CNIH3: variants seen among roughly 807,000 people sequenced by gnomAD.
CNIH3 encodes cornichon family AMPA receptor auxiliary protein 3.
Under a neutral mutation model 24.1 loss-of-function variants are expected in CNIH3, and 14 were observed. The ratio of observed to expected loss-of-function variants is 0.58; its 90% CI spans 0.38 to 0.91. The LOEUF is 0.91. Among genes scored for constraint, CNIH3 ranks in the 40% least tolerant of loss-of-function variants. The pLI, the probability that CNIH3 is intolerant of heterozygous loss-of-function variation, is 0.00. For missense variants in CNIH3, 178 were observed against 196.8 expected (o/e 0.90, Z 0.57); for synonymous variants, 68 against 73.8 (o/e 0.92, Z 0.40).
At chr1:224,486,595 A>T (rs1677040660) in intron 1 of CNIH3, among the ~76,000 whole-genome samples, 1 of 152,194 alleles carries the variant, frequency 6.6e-6, no homozygotes, top group Non-Finnish European at 1.5e-5. Flanking sequence ...ACGTATACAT[A>T]CCTAGAATGC....
At chr1:224,459,673 G>A (rs1431845333) in intron 1 of CNIH3, among the ~76,000 whole-genome samples, 2 of 152,024 alleles carry the variant, frequency 1.3e-5, no homozygotes, top group East Asian at 1.9e-4. Flanking sequence ...CTTAGCTTCC[G>A]TTTAAATATG....
At chr1:224,717,443 T>C (rs1688485952) in intron 3 of CNIH3, 1 of 152,228 alleles carries the variant, frequency 6.6e-6, no homozygotes, top group Admixed American at 6.5e-5. Context: ...ACAATGGGGA[T>C]TAGGACTTCA....
intron 1 of CNIH3, among the ~76,000 whole-genome samples, chr1:224,452,746 C>T (rs1339749666): frequency 7.2e-6 from 1 of 139,406 alleles, no homozygotes; most frequent in Non-Finnish European, 1.5e-5. Flanking sequence ...CGCGCCACTG[C>T]ACTCCAGCCT....
intron 2 of CNIH3, among the ~76,000 whole-genome samples, chr1:224,532,519 A>G (rs1440332492): frequency 6.6e-6 from 1 of 152,176 alleles, no homozygotes; most frequent in African/African-American, 2.4e-5. Context: ...GGCGGCTCCC[A>G]TCTGGGTGGT....
intron 1 of CNIH3, among the ~76,000 whole-genome samples, chr1:224,678,157 A>G (rs543721607): frequency 6.6e-6 from 1 of 152,328 alleles, no homozygotes; most frequent in Non-Finnish European, 1.5e-5. Flanking sequence ...CCAGTAGACC[A>G]TATTGAATAG....
intron 3 of CNIH3, among the ~76,000 whole-genome samples, chr1:224,712,312 G>A (rs1017061765): frequency 6.6e-6 from 1 of 152,086 alleles, no homozygotes; most frequent in Admixed American, 6.5e-5. Context: ...TAATATCTAC[G>A]AAGGGATTCT....
At chr1:224,548,629 A>G (rs1345470014) in intron 3 of CNIH3, among the ~76,000 whole-genome samples, 2 of 151,960 alleles carry the variant, frequency 1.3e-5, no homozygotes, top group Non-Finnish European at 2.9e-5. Flanking sequence ...CTGTGTGTAC[A>G]TCCTGTAATA....
At chr1:224,707,380 C>G (rs556898588) in intron 3 of CNIH3, among the ~76,000 whole-genome samples, 23 of 152,278 alleles carry the variant, frequency 1.5e-4, no homozygotes, top group African/African-American at 5.3e-4. Flanking sequence ...CAACCACCCT[C>G]AACCTCAAAT....
intron 1 of CNIH3, among the ~76,000 whole-genome samples, chr1:224,502,778 T>C (rs1026221008): frequency 1.3e-5 from 2 of 152,176 alleles, no homozygotes; most frequent in Non-Finnish European, 2.9e-5. Context: ...CTGGCAAACA[T>C]AAAGGGAAGC....
chr1:224,588,968 GT>G (rs974335950), downstream of CNIH3, among the ~76,000 whole-genome samples: 382 of 112,278 alleles, frequency 3.4e-3, 4 homozygotes, highest in African/African-American at 0.01. Context: ...CTGACCCCCT[GT>G]TTTTTTTTTT....
At chr1:224,735,282 G>A (rs962500780) in intron 5 of CNIH3, among the ~76,000 whole-genome samples, 7 of 152,206 alleles carry the variant, frequency 4.6e-5, no homozygotes, top group Non-Finnish European at 1.0e-4. Context: ...TTGCAGTCCT[G>A]TTTCAGGAGT....
chr1:224,609,601 G>A (rs917224060), intron 3 of CNIH3, among the ~76,000 whole-genome samples: 3 of 152,172 alleles, frequency 2.0e-5, no homozygotes, highest in African/African-American at 4.8e-5. Context: ...GTTATTTATG[G>A]CACTGAAAAG....
chr1:224,577,106 A>T (rs1228189251), intron 4 of CNIH3, among the ~76,000 whole-genome samples: 2 of 152,204 alleles, frequency 1.3e-5, no homozygotes, highest in Non-Finnish European at 2.9e-5. Flanking sequence ...AAGTCACAAA[A>T]ATTCTATATG....
intron 1 of CNIH3, among the ~76,000 whole-genome samples, chr1:224,444,705 C>T (rs558645634): frequency 5.9e-5 from 9 of 151,728 alleles, no homozygotes; most frequent in African/African-American, 1.2e-4. Context: ...AGTGCAGTAG[C>T]GCGATCTCGG....
At chr1:224,550,466 GT>G (rs1411541002) in intron 3 of CNIH3, among the ~76,000 whole-genome samples, 4 of 152,094 alleles carry the variant, frequency 2.6e-5, no homozygotes, top group African/African-American at 9.7e-5. Flanking sequence ...TAATATCACA[GT>G]GTGTAAACTG....
chr1:224,604,010 A>T lies in CNIH3; in HGVS notation n.402+37746A>T, dbSNP rs1256163739. On this transcript the variant is annotated intron_variant and non_coding_transcript_variant, in intron 3 of 7. Coordinates refer to the CNIH3 transcript ENST00000478120. This position sits in a 1 kb window ranked among gnomAD's most constrained non-coding sequence, Gnocchi z 4.4. ...ACAAGAATTACAATGCACAGACAAT[A>T]CAAATAAAGTAACAACTATGTAGAA... 6.6e-6 allele frequency among the ~76,000 whole-genome samples: 1 copy of T among 152,244 alleles called. No individual in the cohort carries two copies. The highest frequency in any genetic ancestry group is 2.4e-5 in the African/African-American group (1 of 41,464).
At position 224,604,713 on chromosome 1, in the gene CNIH3, G is replaced by A. The variant is rs1490377892; in HGVS notation, n.402+38449G>A. Among the ~76,000 whole-genome samples the A allele has an allele frequency of 6.6e-6, 1 of 152,216 alleles. No individual in the cohort carries two copies. The highest frequency in any genetic ancestry group is 2.4e-5 in the African/African-American group (1 of 41,452). On this transcript the variant is annotated intron_variant and non_coding_transcript_variant, in intron 3 of 7. Transcript: ENST00000478120. The surrounding 1 kb of genome is among the most constrained non-coding windows in gnomAD (Gnocchi z 4.4). ...AATTTTCTTCTCGGTCACTTTGCAA[G>A]CCAGGGACCCTTGCCGGTGACACCT...
intron 3 of CNIH3, among the ~76,000 whole-genome samples, chr1:224,690,281 A>G (rs986876303): frequency 1.3e-5 from 2 of 152,052 alleles, no homozygotes; most frequent in South Asian, 2.1e-4. Flanking sequence ...GCTCACTGCA[A>G]CCTCTGCCTC....
intron 1 of CNIH3, among the ~76,000 whole-genome samples, chr1:224,674,734 C>T (rs891432746): frequency 2.0e-5 from 3 of 151,516 alleles, no homozygotes; most frequent in Admixed American, 2.0e-4. Flanking sequence ...TCACTTCTAG[C>T]GTGTTCTCTG....
Sources: allele counts gnomAD v4.1 joint callset (sites outside exome capture counted in the v4.1 genomes callset), GRCh38; gene constraint gnomAD v4.1.1; non-coding constraint Gnocchi (gnomAD v3.1); transcripts MANE v1.5; gene names NCBI Gene and HGNC (gene_info 2026-07-23, HGNC 2026-07-21).